The following PIK3C2G variants were observed in gnomAD, a reference collection of about 807,000 sequenced individuals.
The protein encoded by PIK3C2G is phosphatidylinositol 3-kinase C2 domain-containing subunit gamma.
A neutral mutation model predicts 181.1 loss-of-function variants in PIK3C2G; 168 were observed. The ratio of observed to expected loss-of-function variants is 0.93; its 90% CI spans 0.82 to 1.05. The LOEUF (loss-of-function observed/expected upper bound fraction) is 1.05, where lower values mean the gene tolerates loss of function less well. PIK3C2G is among the 50% of genes least tolerant of loss of function. The pLI is 0.00. For synonymous variants in PIK3C2G, 573 were observed against 592.2 expected (o/e 0.97, Z 0.47); for missense variants, 1,869 against 1,732.8 (o/e 1.08, Z -1.40).
At chr12:18,637,451 T>C (rs899757912) in intron 31 of PIK3C2G, among the ~76,000 whole-genome samples, 23 of 152,182 alleles carry the variant, frequency 1.5e-4, no homozygotes, top group African/African-American at 4.8e-4. Flanking sequence ...AGTCTTCCTA[T>C]TGATTTCACT....
At chr12:18,512,428 T>C (rs1942269723) in intron 24 of PIK3C2G, among the ~76,000 whole-genome samples, 1 of 151,980 alleles carries the variant, frequency 6.6e-6, no homozygotes, top group African/African-American at 2.4e-5. Flanking sequence ...AAATATTAAT[T>C]CTTCCAATCC....
rs774851072 is a variant in PIK3C2G at position 18,293,979 on chromosome 12, T to C, written c.998T>C (p.Ile333Thr). The C allele has an allele frequency of 6.3e-7, 1 of 1,595,964 alleles. No homozygotes were observed. Among genetic ancestry groups the C allele is most frequent in the Non-Finnish European group, 8.6e-7 (1 of 1,163,718 alleles). ...GACCAGCTACTCCCCAAAGATCATATTCTAAGTGTATGTGGCTCTGAAGAA... is the reference window on the plus strand; with the variant it reads ...GACCAGCTACTCCCCAAAGATCATACTCTAAGTGTATGTGGCTCTGAAGAA... ...TNDQLLPKDH[I>T]LSVCGSEEFL... Residue 333 changes from isoleucine to threonine, a missense_variant, in exon 5 of 33, where the codon ATT becomes ACT. Transcript: ENST00000538779.
chr12:18,687,978 A>G, the PIK3C2G span: 1 of 1,420,628 alleles, frequency 7.0e-7, no homozygotes. Context: ...ATAATGGAAA[A>G]CCCTTGTCTT....
At chr12:18,363,545 A>G (rs1478120627) in intron 12 of PIK3C2G, among the ~76,000 whole-genome samples, 1 of 151,848 alleles carries the variant, frequency 6.6e-6, no homozygotes, top group Non-Finnish European at 1.5e-5. Flanking sequence ...TTACTGCTGC[A>G]TTTCCTCACT....
chr12:18,551,074 A>G (rs12827361), intron 26 of PIK3C2G, among the ~76,000 whole-genome samples: 24,659 of 151,986 alleles, frequency 0.16, 2,211 homozygotes, highest in South Asian at 0.26. Context: ...AATCCTGTAC[A>G]ATTAATGGTA....
chr12:18,264,130 A>G (rs1421809654), intron 1 of PIK3C2G, among the ~76,000 whole-genome samples: 1 of 152,144 alleles, frequency 6.6e-6, no homozygotes, highest in Non-Finnish European at 1.5e-5. Context: ...ATATACATGT[A>G]TTATCTAAAA....
chr12:18,405,477 T>C (rs1437010771), intron 16 of PIK3C2G, among the ~76,000 whole-genome samples: 1 of 151,804 alleles, frequency 6.6e-6, no homozygotes, highest in Non-Finnish European at 1.5e-5. Flanking sequence ...TAGAGTGCAG[T>C]GGTGCGATCT....
At chr12:18,705,178 T>C in the PIK3C2G span, 1 of 1,613,896 alleles carries the variant, frequency 6.2e-7, no homozygotes, top group Non-Finnish European at 8.5e-7. Context: ...CTGGTGATGG[T>C]AGAGTATCAG....
At chr12:18,293,095 G>A (rs1015287856) in intron 4 of PIK3C2G, among the ~76,000 whole-genome samples, 2 of 152,006 alleles carry the variant, frequency 1.3e-5, no homozygotes, top group Non-Finnish European at 2.9e-5. Flanking sequence ...GTAAAATATA[G>A]CTATTATTAA....
At chr12:18,499,689 G>A (rs1941270636) in intron 22 of PIK3C2G, among the ~76,000 whole-genome samples, 1 of 152,216 alleles carries the variant, frequency 6.6e-6, no homozygotes, top group African/African-American at 2.4e-5. Flanking sequence ...CCCGGAGGTG[G>A]AGGAGAGGCT....
At chr12:18,381,087 G>A (rs1366712469) in intron 13 of PIK3C2G, among the ~76,000 whole-genome samples, 1 of 152,056 alleles carries the variant, frequency 6.6e-6, no homozygotes, top group Non-Finnish European at 1.5e-5. Flanking sequence ...AGGATCTGTG[G>A]ATTTGGATGT....
At position 18,294,810 on chromosome 12, in the gene PIK3C2G, A is replaced by G. The variant is rs145995797; in HGVS notation, c.1034+795A>G. On this transcript the variant is annotated intron_variant, in intron 5 of 32. Transcript: ENST00000538779. ...ATTTATATATCCCCTTTGCATCTCT[A>G]CAAGTATCTAAAGATTGAAAACATC... 6.6e-4 allele frequency among the ~76,000 whole-genome samples: 100 copies of G among 152,084 alleles called. No homozygotes were observed. In the East Asian group the frequency reaches 0.017, roughly 26 times the overall value.
chr12:18,633,714 T>C (rs1384294201), intron 31 of PIK3C2G, among the ~76,000 whole-genome samples: 1 of 152,200 alleles, frequency 6.6e-6, no homozygotes, highest in Non-Finnish European at 1.5e-5. Context: ...TAGCCAGAAC[T>C]GTAACTCCCT....
At chr12:18,425,458 C>T (rs1945751788) in intron 18 of PIK3C2G, among the ~76,000 whole-genome samples, 1 of 125,030 alleles carries the variant, frequency 8.0e-6, no homozygotes, top group Admixed American at 1.1e-4. Flanking sequence ...GTGGTGCAAT[C>T]TCAGCTCACT....
chr12:18,518,968 T>C (rs1361474188), intron 24 of PIK3C2G, among the ~76,000 whole-genome samples: 1 of 152,216 alleles, frequency 6.6e-6, no homozygotes, highest in Non-Finnish European at 1.5e-5. Context: ...ACTTCTTGAT[T>C]TCTGCCTTAA....
intron 16 of PIK3C2G, among the ~76,000 whole-genome samples, chr12:18,412,885 C>A (rs187040510): frequency 1.3e-5 from 2 of 152,234 alleles, no homozygotes; most frequent in East Asian, 3.9e-4. Context: ...CTTCCCTGCA[C>A]GTGTAAGCAT....
chr12:18,720,352 T>C, the PIK3C2G span, among the ~76,000 whole-genome samples: 5 of 151,780 alleles, frequency 3.3e-5, no homozygotes, highest in African/African-American at 1.2e-4. Flanking sequence ...AGTGCAAATA[T>C]ATACACATTT....
chr12:18,707,456 CTTTCT>C, the PIK3C2G span, among the ~76,000 whole-genome samples: 5 of 152,118 alleles, frequency 3.3e-5, no homozygotes, highest in Admixed American at 2.0e-4. Flanking sequence ...GGAAGATCCT[CTTTCT>C]TTTATCTTCC....
At chr12:18,670,293 C>T in the PIK3C2G span, among the ~76,000 whole-genome samples, 74 of 151,590 alleles carry the variant, frequency 4.9e-4, no homozygotes, top group African/African-American at 1.7e-3. Context: ...CACACATATG[C>T]GCACACACAC....
Sources: allele counts gnomAD v4.1 joint callset (sites outside exome capture counted in the v4.1 genomes callset), GRCh38; gene constraint gnomAD v4.1.1; transcripts MANE v1.5; gene names NCBI Gene and HGNC (gene_info 2026-07-23, HGNC 2026-07-21).